TRDN: variants seen among roughly 807,000 people sequenced by gnomAD.
The protein encoded by TRDN is triadin, also known as triadin in skeletal muscle.
A neutral mutation model predicts 149.7 loss-of-function variants in TRDN; 161 were observed. The ratio of observed to expected loss-of-function variants is 1.08; its 90% CI spans 0.95 to 1.23. TRDN has a LOEUF of 1.23. Ranked by LOEUF, TRDN falls within the 50% of genes most tolerant of loss-of-function variation. TRDN has a pLI of 0.00. For synonymous variants in TRDN, 294 were observed against 250.5 expected (o/e 1.17, Z -1.64); for missense variants, 896 against 823.5 (o/e 1.09, Z -1.08).
chr6:123,247,054 C>G (rs1039880003), intron 38 of TRDN, among the ~76,000 whole-genome samples: 1 of 152,142 alleles, frequency 6.6e-6, no homozygotes, highest in African/African-American at 2.4e-5. Context: ...ATTCAACACT[C>G]CTTCATGCTA....
chr6:123,352,239 C>A lies in TRDN; in HGVS notation c.1369+300G>T, dbSNP rs1010781783. 12 of 984,692 alleles carry A rather than the reference C, an allele frequency of 1.2e-5. No individual in the cohort carries two copies. In the African/African-American group the frequency reaches 1.4e-4, roughly 11 times the overall value. 61.0% of individuals were successfully genotyped at this position (984,692 alleles called of 1,614,324 possible). On this transcript the variant is annotated intron_variant, in intron 21 of 40. Coordinates refer to ENST00000334268, the MANE Select transcript of TRDN (RefSeq NM_006073.4). ...CACAAATCAAATAGGAATATGTCTACCAGTTACCCTGGATCATTGTCTTAT... is the reference window on the plus strand; with the variant it reads ...CACAAATCAAATAGGAATATGTCTAACAGTTACCCTGGATCATTGTCTTAT...
chr6:123,388,614 A>T, intron 13 of TRDN, 63 bp from the exon 14 acceptor site: 1 of 1,533,256 alleles, frequency 6.5e-7, no homozygotes. Context: ...ACTCCCCAGA[A>T]TATGAGAATG....
chr6:123,264,563 A>T (rs1562236280), intron 33 of TRDN, among the ~76,000 whole-genome samples: 1 of 152,126 alleles, frequency 6.6e-6, no homozygotes, highest in Non-Finnish European at 1.5e-5. Flanking sequence ...CCATAAACTT[A>T]GTTGATAAAG....
intron 2 of TRDN, among the ~76,000 whole-genome samples, chr6:123,567,386 C>G (rs1782345053): frequency 6.6e-6 from 1 of 152,142 alleles, no homozygotes. Flanking sequence ...CTGGCAGAGT[C>G]AACTCAATCA....
At chr6:123,278,467 T>C (rs2114626352) in intron 25 of TRDN, 120 bp from the exon 26 acceptor site, 1 of 642,802 alleles carries the variant, frequency 1.6e-6, no homozygotes, top group Non-Finnish European at 2.2e-6. Context: ...TTCAATCTCC[T>C]ATTAACTTCG....
chr6:123,634,898 T>A (rs1786214001), intron 1 of TRDN, among the ~76,000 whole-genome samples: 1 of 152,042 alleles, frequency 6.6e-6, no homozygotes, highest in African/African-American at 2.4e-5. Flanking sequence ...TAATTATTTT[T>A]ATGGGTAACT....
chr6:123,532,147 A>C (rs890909802), intron 4 of TRDN, among the ~76,000 whole-genome samples: 3 of 152,108 alleles, frequency 2.0e-5, no homozygotes, highest in Admixed American at 1.3e-4. Context: ...TGGTTAATCC[A>C]AATTGAGATG....
chr6:123,396,040 C>A (rs1772711985), intron 12 of TRDN, among the ~76,000 whole-genome samples: 1 of 152,136 alleles, frequency 6.6e-6, no homozygotes, highest in Non-Finnish European at 1.5e-5. Context: ...CAAAGAAGAT[C>A]AGATTTGACA....
intron 10 of TRDN, among the ~76,000 whole-genome samples, chr6:123,457,874 AT>A (rs1776223768): frequency 6.6e-6 from 1 of 152,214 alleles, no homozygotes; most frequent in South Asian, 2.1e-4. Flanking sequence ...TCCATTCGTA[AT>A]CTAGTTTCCC....
At chr6:123,325,695 T>A (rs1779423234) in intron 23 of TRDN, among the ~76,000 whole-genome samples, 1 of 152,144 alleles carries the variant, frequency 6.6e-6, no homozygotes. Flanking sequence ...CTTTTTATGT[T>A]AATCACTGGA....
At chr6:123,529,035 A>G in intron 5 of TRDN, 4 of 1,395,782 alleles carry the variant, frequency 2.9e-6, no homozygotes, top group Non-Finnish European at 3.7e-6. Flanking sequence ...AACCTACTCT[A>G]CAGCCCACTG....
chr6:123,610,477 C>T (rs914942939), intron 1 of TRDN, among the ~76,000 whole-genome samples: 7 of 152,196 alleles, frequency 4.6e-5, no homozygotes, highest in African/African-American at 1.7e-4. Context: ...ATGTACCAAG[C>T]ACTCTGCCAG....
At chr6:123,301,782 T>TATAC (rs1778435969) in intron 24 of TRDN, among the ~76,000 whole-genome samples, 2 of 57,598 alleles carry the variant, frequency 3.5e-5, no homozygotes, top group Non-Finnish European at 4.7e-5. Context: ...TATATATATA[T>TATAC]ATATACATAA....
chr6:123,309,683 C>A (rs1383503986), intron 24 of TRDN, among the ~76,000 whole-genome samples: 1 of 151,350 alleles, frequency 6.6e-6, no homozygotes, highest in Admixed American at 6.6e-5. Flanking sequence ...AGTTTTTTTT[C>A]AATAAATACA....
At chr6:123,349,637 TTC>T (rs1780381838) in intron 21 of TRDN, 22 of 925,882 alleles carry the variant, frequency 2.4e-5, no homozygotes, top group Non-Finnish European at 2.8e-5. Flanking sequence ...GTAAAATTGT[TTC>T]TGTCTTTTTT....
intron 12 of TRDN, among the ~76,000 whole-genome samples, chr6:123,419,868 G>C (rs1481301917): frequency 6.6e-6 from 1 of 152,176 alleles, no homozygotes; most frequent in Non-Finnish European, 1.5e-5. Flanking sequence ...AGAGAAAACA[G>C]ATTTCAAGTC....
chr6:123,518,953 C>T (rs1292941430), intron 5 of TRDN, among the ~76,000 whole-genome samples: 1 of 152,152 alleles, frequency 6.6e-6, no homozygotes, highest in African/African-American at 2.4e-5. Flanking sequence ...GGTAATCACT[C>T]TAAAATAAAA....
chr6:123,557,640 A>G (rs1472459175), intron 2 of TRDN, among the ~76,000 whole-genome samples: 1 of 152,074 alleles, frequency 6.6e-6, no homozygotes, highest in Non-Finnish European at 1.5e-5. Context: ...CGCGGGGACA[A>G]CTGCCTGATT....
chr6:123,433,366 T>G (rs977069427), intron 12 of TRDN, among the ~76,000 whole-genome samples: 2 of 151,946 alleles, frequency 1.3e-5, no homozygotes, highest in African/African-American at 4.8e-5. Context: ...TACTCAGAGT[T>G]GAACTTGTGG....
Sources: gnomAD v4.1 joint callset for allele counts (sites outside exome capture counted in the v4.1 genomes callset) on GRCh38, gnomAD v4.1.1 for gene constraint, MANE v1.5 for transcripts, NCBI Gene and HGNC (gene_info 2026-07-23, HGNC 2026-07-21) for gene names.